UEVLD: variants seen among roughly 807,000 people sequenced by gnomAD.
UEVLD encodes the protein ubiquitin-conjugating enzyme E2 variant 3.
UEVLD carries 47 observed loss-of-function variants against 58.6 expected under a neutral mutation model. That is an observed-to-expected ratio of 0.80 (90% CI 0.63 to 1.02). The LOEUF (loss-of-function observed/expected upper bound fraction) is 1.02. UEVLD is among the 50% of genes least tolerant of loss of function. The pLI is 0.00. For synonymous variants in UEVLD, 197 were observed against 195.3 expected (o/e 1.01, Z -0.07); for missense variants, 510 against 550.6 (o/e 0.93, Z 0.74).
intron 1 of UEVLD, among the ~76,000 whole-genome samples, chr11:18,585,551 T>G (rs1031914860): frequency 6.6e-6 from 1 of 152,210 alleles, no homozygotes; most frequent in Non-Finnish European, 1.5e-5. Context: ...TCCACACCAA[T>G]GCCACACTAA....
chr11:18,581,034 C>T (rs576290380), intron 1 of UEVLD, among the ~76,000 whole-genome samples: 9 of 151,970 alleles, frequency 5.9e-5, no homozygotes, highest in African/African-American at 1.9e-4. Context: ...TGGTGGCAGG[C>T]GACTATAATC....
rs1322795485 is a variant in UEVLD at position 18,570,315 on chromosome 11, T to A, written c.256A>T (p.Ile86Phe). Residue 86 changes from isoleucine to phenylalanine, a missense_variant, in exon 4 of 12, where the codon ATT (isoleucine) becomes TTT (phenylalanine). By Grantham distance (21) the Ile-to-Phe change is conservative. Transcript: ENST00000396197. ...ILDSHPFAPP[I>F]CFLKPTANMG... is the part of the protein sequence containing the mutation. ...TTTGCAGTTGGCTTCAAGAAGCAAATAGGGGGAGCGAAAGGGTGAGAATCC... is the reference window on the plus strand; with the variant it reads ...TTTGCAGTTGGCTTCAAGAAGCAAAAAGGGGGAGCGAAAGGGTGAGAATCC... The A allele has an allele frequency of 6.3e-7, 1 of 1,588,892 alleles. No individual in the cohort carries two copies. Among genetic ancestry groups the A allele is most frequent in the African/African-American group, 1.4e-5 (1 of 72,860 alleles).
rs1010873226 is a variant in UEVLD at position 18,546,742 on chromosome 11, G to A, written c.886+138C>T. The stretch of plus-strand genomic sequence containing the variant: ...TGGAACTCCTGACCTCAGGTGATCC[G>A]CCCGCCTCAGACTCCCAGTGTTGGG... On this transcript the variant is annotated intron_variant, in intron 8 of 11. Coordinates refer to ENST00000396197, the MANE Select transcript of UEVLD (RefSeq NM_001040697.4). The A allele has an allele frequency of 1.8e-5, 16 of 873,050 alleles. No homozygotes were observed. The African/African-American group carries it at 1.9e-4, about 11-fold the overall frequency. 54.1% of individuals were successfully genotyped at this position (873,050 alleles called of 1,614,324 possible).
chr11:18,553,741 G>C (rs1851632738), intron 7 of UEVLD, among the ~76,000 whole-genome samples: 1 of 152,170 alleles, frequency 6.6e-6, no homozygotes, highest in African/African-American at 2.4e-5. Context: ...TATGCGAAGT[G>C]ACACAAAAGT....
chr11:18,569,694 A>C (rs2134034255), intron 4 of UEVLD, among the ~76,000 whole-genome samples: 1 of 152,322 alleles, frequency 6.6e-6, no homozygotes, highest in South Asian at 2.1e-4. Context: ...TCAATGAAAA[A>C]TGCAGAATAC....
intron 6 of UEVLD, among the ~76,000 whole-genome samples, chr11:18,561,831 CAAAAAA>C (rs567518058): frequency 1.4e-5 from 1 of 71,478 alleles, no homozygotes; most frequent in African/African-American, 4.6e-5. Flanking sequence ...GACTTCGTCT[CAAAAAA>C]AAAAAAAAAA....
chr11:18,547,083 G>T, intron 7 of UEVLD, 33 bp from the exon 8 acceptor site: 1 of 1,587,806 alleles, frequency 6.3e-7, no homozygotes, highest in Admixed American at 1.9e-5. Context: ...CTGAGCTGAA[G>T]ATACAGGCTT....
intron 1 of UEVLD, among the ~76,000 whole-genome samples, chr11:18,580,844 G>C (rs548990511): frequency 4.6e-5 from 7 of 152,154 alleles, no homozygotes; most frequent in Admixed American, 2.0e-4. Context: ...TCCTCTCTCA[G>C]AGCCTTAAGT....
At chr11:18,548,352 A>T (rs1357093968) in intron 7 of UEVLD, among the ~76,000 whole-genome samples, 1 of 152,252 alleles carries the variant, frequency 6.6e-6, no homozygotes, top group Non-Finnish European at 1.5e-5. Flanking sequence ...GTCAACATTT[A>T]CAAATGAATA....
At chr11:18,578,008 G>A (rs770059885) in intron 2 of UEVLD, among the ~76,000 whole-genome samples, 10 of 152,060 alleles carry the variant, frequency 6.6e-5, no homozygotes, top group South Asian at 6.2e-4. Flanking sequence ...ATGATAGGCC[G>A]AATAAAGGTC....
At chr11:18,585,118 T>A (rs1214775053) in intron 1 of UEVLD, among the ~76,000 whole-genome samples, 1 of 152,140 alleles carries the variant, frequency 6.6e-6, no homozygotes, top group East Asian at 1.9e-4. Flanking sequence ...CTCAAACTCC[T>A]GGACTCAACA....
intron 9 of UEVLD, among the ~76,000 whole-genome samples, chr11:18,543,208 A>G (rs929635073): frequency 3.3e-5 from 5 of 152,108 alleles, no homozygotes; most frequent in African/African-American, 1.2e-4. Flanking sequence ...GTTATTTTCT[A>G]TATCATGCTC....
At chr11:18,588,169 T>C (rs1853680350) in intron 1 of UEVLD, among the ~76,000 whole-genome samples, 3 of 151,714 alleles carry the variant, frequency 2.0e-5, no homozygotes, top group Admixed American at 6.6e-5. Flanking sequence ...AAATACATAA[T>C]TACTCCACAA....
chr11:18,547,671 A>G (rs1426051314), intron 7 of UEVLD, among the ~76,000 whole-genome samples: 1 of 152,220 alleles, frequency 6.6e-6, no homozygotes, highest in East Asian at 1.9e-4. Context: ...TGCTATAGGC[A>G]AAATGAACCT....
chr11:18,573,234 C>T (rs537349081), intron 3 of UEVLD, among the ~76,000 whole-genome samples: 51 of 152,252 alleles, frequency 3.3e-4, no homozygotes, highest in African/African-American at 9.4e-4. Context: ...TATTAGAAAC[C>T]GAAATGCTAC....
intron 3 of UEVLD, among the ~76,000 whole-genome samples, chr11:18,573,376 C>G (rs1445071035): frequency 2.0e-5 from 3 of 152,132 alleles, no homozygotes; most frequent in Non-Finnish European, 4.4e-5. Context: ...TTCCCTCTTC[C>G]TCTCCCTTCC....
chr11:18,571,395 T>C (rs1431985641), intron 3 of UEVLD, among the ~76,000 whole-genome samples: 1 of 152,142 alleles, frequency 6.6e-6, no homozygotes, highest in African/African-American at 2.4e-5. Context: ...TTCCCCTGGT[T>C]GATCAAGGAT....
intron 2 of UEVLD, among the ~76,000 whole-genome samples, chr11:18,577,871 CAA>C (rs550091645): frequency 0.011 from 763 of 66,688 alleles, 6 homozygotes; most frequent in African/African-American, 0.041. Context: ...GACTCCATCT[CAA>C]AAAAAAAAAA....
chr11:18,537,422 C>T (rs1055945827), intron 9 of UEVLD, among the ~76,000 whole-genome samples: 13 of 150,674 alleles, frequency 8.6e-5, no homozygotes, highest in Admixed American at 2.7e-4. Context: ...ACCTCCGCCT[C>T]CCGGTTCAAA....
Sources: allele counts gnomAD v4.1 joint callset (sites outside exome capture counted in the v4.1 genomes callset), GRCh38; gene constraint gnomAD v4.1.1; transcripts MANE v1.5; gene names NCBI Gene and HGNC (gene_info 2026-07-23, HGNC 2026-07-21).